SUPV3L1: variants seen among roughly 807,000 people sequenced by gnomAD.
SUPV3L1 encodes the protein ATP-dependent RNA helicase SUPV3L1, mitochondrial.
In SUPV3L1, 35 loss-of-function variants were observed where a neutral mutation model predicts 70.0. The ratio of observed to expected loss-of-function variants is 0.50; its 90% CI spans 0.38 to 0.66. The LOEUF is 0.66. Ranked by LOEUF, SUPV3L1 falls within the 30% of genes least tolerant of loss-of-function variation. SUPV3L1 has a pLI of 0.00. For synonymous variants in SUPV3L1, 364 were observed against 341.9 expected, an observed-to-expected ratio of 1.06 and a Z score of -0.71; for missense variants, 777 against 961.5, an observed-to-expected ratio of 0.81 and a Z score of 2.54.
intron 12 of SUPV3L1, 38 bp downstream of exon 12, chr10:69,202,557 G>A: frequency 6.3e-7 from 1 of 1,575,322 alleles, no homozygotes; most frequent in South Asian, 1.1e-5. Context: ...CCCTAAAAAT[G>A]TTGATATGTC....
chr10:69,188,664 A>G (rs1842303415), intron 4 of SUPV3L1, among the ~76,000 whole-genome samples: 1 of 151,610 alleles, frequency 6.6e-6, no homozygotes, highest in African/African-American at 2.4e-5. Flanking sequence ...ACACCTGGTT[A>G]ATTTTTGTAT....
intron 11 of SUPV3L1, among the ~76,000 whole-genome samples, chr10:69,200,776 G>A (rs961843458): frequency 1.3e-5 from 2 of 152,204 alleles, no homozygotes; most frequent in African/African-American, 4.8e-5. Context: ...CTAGCAGCGG[G>A]AAGGAACAGG....
At chr10:69,201,075 G>C (rs1250052113) in intron 11 of SUPV3L1, among the ~76,000 whole-genome samples, 1 of 152,116 alleles carries the variant, frequency 6.6e-6, no homozygotes, top group Non-Finnish European at 1.5e-5. Context: ...GGGGAGTATA[G>C]ACATGAGATC....
Position 69,203,107 on chromosome 10 carries a change from CTT to C in SUPV3L1, c.1776+66_1776+67del, listed in dbSNP as rs1346977852. On this transcript the variant is annotated intron_variant, in intron 13 of 14. Transcript: ENST00000359655. Reference sequence around the variant, plus strand: ...GTTGATGCAGGTTCCCCAAACAGTACTTTGTTATTCAAAATAAAATAATTACA... The same window carrying C: ...GTTGATGCAGGTTCCCCAAACAGTACTGTTATTCAAAATAAAATAATTACA... 11 of 1,470,642 alleles carry C rather than the reference CTT, an allele frequency of 7.5e-6. No homozygotes were observed. In the Admixed American group the frequency reaches 1.6e-4, roughly 21 times the overall value. 91.1% of individuals were successfully genotyped at this position (1,470,642 alleles called of 1,614,324 possible). A position where few individuals can be genotyped will look rare whatever the true frequency, so the allele number is the denominator to read the frequency against.
intron 13 of SUPV3L1, 107 bp downstream of exon 13, chr10:69,203,150 A>T (rs1589389861): frequency 8.0e-7 from 1 of 1,246,734 alleles, no homozygotes; most frequent in African/African-American, 1.5e-5. Context: ...ATTCAGTAAT[A>T]TGAGAGACTT....
In SUPV3L1 at chr10:69,191,638, T is replaced by A. The variant is rs747533529; in HGVS notation, c.742-17T>A. 9.3e-6 allele frequency: 15 copies of A among 1,606,940 alleles called. No homozygotes were observed. Among genetic ancestry groups the A allele is most frequent in the Non-Finnish European group, 1.3e-5 (15 of 1,175,008 alleles). ...GCATTATTTTCAATAATTCTAGTTTTTTTTCTGTCTTTCTAGGGTGTGCCA... is the reference window on the plus strand; with the variant it reads ...GCATTATTTTCAATAATTCTAGTTTATTTTCTGTCTTTCTAGGGTGTGCCA... On this transcript the variant is annotated splice_polypyrimidine_tract_variant and intron_variant, in intron 5 of 14. Transcript: ENST00000359655.
At chr10:69,184,061 A>G (rs866161178) in intron 1 of SUPV3L1, among the ~76,000 whole-genome samples, 4 of 152,188 alleles carry the variant, frequency 2.6e-5, no homozygotes, top group African/African-American at 9.7e-5. Context: ...GTAAAGCAGC[A>G]TGAATCTTAT....
At chr10:69,187,800 C>A in intron 4 of SUPV3L1, 44 bp downstream of exon 4, 2 of 1,285,444 alleles carry the variant, frequency 1.6e-6, no homozygotes, top group Non-Finnish European at 2.2e-6. Context: ...AGTTTCTAAT[C>A]TTGGATGATT....
intron 11 of SUPV3L1, among the ~76,000 whole-genome samples, chr10:69,201,064 A>G (rs1169684456): frequency 6.6e-6 from 1 of 152,180 alleles, no homozygotes; most frequent in Non-Finnish European, 1.5e-5. Context: ...CACTAGATGA[A>G]GGGGAGTATA....
chr10:69,203,461 C>T (rs529240723), intron 13 of SUPV3L1, among the ~76,000 whole-genome samples: 36 of 151,982 alleles, frequency 2.4e-4, no homozygotes, highest in African/African-American at 8.0e-4. Flanking sequence ...GTCAGGAATT[C>T]GAGACCAGCC....
At chr10:69,189,946 C>CT (rs768437464) in intron 5 of SUPV3L1, among the ~76,000 whole-genome samples, 39 of 152,092 alleles carry the variant, frequency 2.6e-4, no homozygotes, top group Non-Finnish European at 4.9e-4. Context: ...GCACCCAGCT[C>CT]TATCAATTCT....
At chr10:69,191,529 G>T in intron 5 of SUPV3L1, 126 bp from the exon 6 acceptor site, 1 of 758,872 alleles carries the variant, frequency 1.3e-6, no homozygotes, top group East Asian at 2.8e-5. Flanking sequence ...GTCTGGCCGT[G>T]GGAACATTAT....
chr10:69,207,650 G>T (rs1434155709), intron 13 of SUPV3L1, 143 bp from the exon 14 acceptor site: 2 of 926,498 alleles, frequency 2.2e-6, no homozygotes, highest in East Asian at 2.7e-5. Context: ...AAATGTAGAA[G>T]AGTATAAAGG....
chr10:69,195,278 A>G lies in SUPV3L1; in HGVS notation c.931+13A>G. 1 of 1,591,578 alleles carries G rather than the reference A, an allele frequency of 6.3e-7. No individual in the cohort carries two copies. The highest frequency in any genetic ancestry group is 8.5e-7 in the Non-Finnish European group (1 of 1,169,648). On this transcript the variant is annotated intron_variant, in intron 7 of 14. Coordinates refer to ENST00000359655, the MANE Select transcript of SUPV3L1 (RefSeq NM_003171.5). ...AGAGCACTTCTAGGTTGGTGGTCGT[A>G]ATGCTATAAAACCCGTGCTTTATGA... is the stretch of plus-strand genomic sequence containing the variant.
At chr10:69,194,281 A>T (rs1431119722) in intron 6 of SUPV3L1, among the ~76,000 whole-genome samples, 1 of 151,974 alleles carries the variant, frequency 6.6e-6, no homozygotes, top group East Asian at 1.9e-4. Flanking sequence ...TTGAGATGGG[A>T]GGATTGCTTG....
chr10:69,180,655 C>A (rs1042603745), intron 1 of SUPV3L1, 93 bp downstream of exon 1: 5 of 1,501,686 alleles, frequency 3.3e-6, no homozygotes, highest in Non-Finnish European at 3.6e-6. Flanking sequence ...CCTGGGGATC[C>A]GAGGTCCCAT....
intron 2 of SUPV3L1, 144 bp downstream of exon 2, chr10:69,186,208 G>A: frequency 1.2e-6 from 1 of 808,814 alleles, no homozygotes; most frequent in Non-Finnish European, 2.0e-6. Context: ...GTGGGAGACT[G>A]GCGAGGCTCA....
intron 9 of SUPV3L1, 71 bp downstream of exon 9, chr10:69,198,623 A>G: frequency 3.5e-6 from 5 of 1,442,054 alleles, no homozygotes; most frequent in South Asian, 1.3e-5. Context: ...AGATATATAT[A>G]AAAAAATGGT....
rs954026 is a variant in SUPV3L1, at chr10:69,186,094, T to C, written c.349+30T>C. 8.1e-3 allele frequency: 12,699 copies of C among 1,570,050 alleles called. 869 individuals carry two copies. In the African/African-American group the frequency reaches 0.15, roughly 18 times the overall value. ...GGCCCAAAACATCTTCATAGAGGTA[T>C]TTTATTACCTCTTACGGTACAGCTT... On this transcript the variant is annotated intron_variant, in intron 2 of 14. Coordinates refer to ENST00000359655, the MANE Select transcript of SUPV3L1 (RefSeq NM_003171.5).
Sources: allele counts gnomAD v4.1 joint callset (sites outside exome capture counted in the v4.1 genomes callset), GRCh38; gene constraint gnomAD v4.1.1; transcripts MANE v1.5; gene names NCBI Gene and HGNC (gene_info 2026-07-23, HGNC 2026-07-21).